C3orf33: variants seen among roughly 807,000 people sequenced by gnomAD.
C3orf33 encodes the protein AP-1 activity suppressor.
Under a neutral mutation model 28.7 loss-of-function variants are expected in C3orf33, and 23 were observed. The ratio of observed to expected loss-of-function variants is 0.80; its 90% CI spans 0.58 to 1.13. The LOEUF (loss-of-function observed/expected upper bound fraction) is 1.13, where lower values mean the gene tolerates loss of function less well. C3orf33 is among the 50% of genes most tolerant of loss of function. C3orf33 has a pLI of 0.00. For missense variants in C3orf33, 327 were observed against 353.4 expected, an observed-to-expected ratio of 0.93 and a Z score of 0.60; for synonymous variants, 119 against 120.5, an observed-to-expected ratio of 0.99 and a Z score of 0.08.
At chr3:155,805,642 G>A (rs995140445) in intron 1 of C3orf33, 4 of 454,520 alleles carry the variant, frequency 8.8e-6, no homozygotes, top group African/African-American at 4.0e-5. Context: ...GGATCTTTTC[G>A]GCCGAAGTGG....
At chr3:155,796,950 G>A (rs1456076955) in intron 2 of C3orf33, among the ~76,000 whole-genome samples, 1 of 152,182 alleles carries the variant, frequency 6.6e-6, no homozygotes, top group Non-Finnish European at 1.5e-5. Context: ...CAGTACTTTG[G>A]GAGGCCAAGG....
At chr3:155,768,709 T>C (rs1186222689) in intron 3 of C3orf33, among the ~76,000 whole-genome samples, 1 of 152,210 alleles carries the variant, frequency 6.6e-6, no homozygotes, top group Non-Finnish European at 1.5e-5. Context: ...AAATAATACT[T>C]TAGTTCAAGA....
rs1311667268 is a variant in C3orf33, at chr3:155,805,544, ACTCCCAGT to A, written c.114+587_114+594del. On this transcript the variant is annotated intron_variant, in intron 1 of 4. Coordinates refer to ENST00000340171, the MANE Select transcript of C3orf33 (RefSeq NM_001308229.2). ...AGGACAGCCTGGACAACATAGCAAG[ACTCCCAGT>A]CTCTAACTCTAAAAGAAAGTAGTCG... The A allele has an allele frequency of 1.1e-5, 5 of 450,110 alleles. No individual in the cohort carries two copies. The Admixed American group carries it at 1.2e-4, about 11-fold the overall frequency. The allele number at this position is 450,110 out of a possible 1,614,324, so 27.9% of individuals were successfully genotyped here.
At chr3:155,767,693 GTTTAGC>G in intron 3 of C3orf33, 24 bp from the exon 4 acceptor site, 1 of 1,461,838 alleles carries the variant, frequency 6.8e-7, no homozygotes, top group Non-Finnish European at 9.1e-7. Context: ...GTAGAAAAGA[GTTTAGC>G]TTTAACAGCA....
chr3:155,771,138 C>T (rs1750579285), intron 3 of C3orf33, among the ~76,000 whole-genome samples: 1 of 151,134 alleles, frequency 6.6e-6, no homozygotes, highest in Non-Finnish European at 1.5e-5. Context: ...CATGGTTTTG[C>T]TCTGCCACCC....
At chr3:155,781,526 T>C (rs762052241) in intron 2 of C3orf33, among the ~76,000 whole-genome samples, 1 of 151,876 alleles carries the variant, frequency 6.6e-6, no homozygotes, top group South Asian at 2.1e-4. Flanking sequence ...TCCCAGCACT[T>C]TGGGAGGCCA....
chr3:155,763,536 T>A lies in C3orf33; in HGVS notation c.866A>T (p.Asn289Ile). The part of the protein sequence containing the change: ...LKFRELISRI[N>I]FRRKG ...ACCGTTTCACCCTTTTCTACGAAAG[T>A]TTATGCGACTTATAAGTTCTCTGAA... Residue 289 changes from asparagine (N) to isoleucine (I), a missense_variant, in exon 5 of 5, where the codon AAC (asparagine) becomes ATC (isoleucine). Transcript: ENST00000340171. 6.6e-7 allele frequency: 1 copy of A among 1,516,374 alleles called. No homozygotes were observed. The highest frequency in any genetic ancestry group is 8.8e-7 in the Non-Finnish European group (1 of 1,140,108). The allele number at this position is 1,516,374 out of a possible 1,614,324, so 93.9% of individuals were successfully genotyped here. A position where few individuals can be genotyped will look rare whatever the true frequency, so the allele number is the denominator to read the frequency against.
chr3:155,763,578 CAG>C lies in C3orf33; in HGVS notation c.822_823del (p.Asn274LysfsTer18). 5.1e-6 allele frequency: 8 copies of C among 1,572,556 alleles called. No individual in the cohort carries two copies. Among genetic ancestry groups the C allele is most frequent in the Non-Finnish European group, 6.8e-6 (8 of 1,168,908 alleles). On this transcript the variant is annotated frameshift_variant, in exon 5 of 5. Transcript: ENST00000340171. LOFTEE classifies it high-confidence loss of function. Reference sequence around the variant, plus strand: ...TTCTCTGAACTTCAGTATTAAGGAGCAGTTGTTCATGTTGTCTTTCCATATTT... The same window carrying C: ...TTCTCTGAACTTCAGTATTAAGGAGCTTGTTCATGTTGTCTTTCCATATTT...
intron 3 of C3orf33, among the ~76,000 whole-genome samples, chr3:155,768,038 C>G (rs1750468701): frequency 6.6e-6 from 1 of 152,074 alleles, no homozygotes; most frequent in South Asian, 2.1e-4. Flanking sequence ...CACCACCATG[C>G]CCAGCTGATT....
Position 155,767,122 on chromosome 3 carries a change from G to A in C3orf33, c.483+387C>T, listed in dbSNP as rs192856665. Among the ~76,000 whole-genome samples, 201 of 151,880 alleles carry A rather than the reference G, an allele frequency of 1.3e-3. 1 individual carries two copies. Among genetic ancestry groups the A allele is most frequent in the African/African-American group, 4.4e-3 (181 of 41,398 alleles). On this transcript the variant is annotated intron_variant, in intron 4 of 4. Transcript: ENST00000340171. ...ACAAAAATTAGCTGGGTGTGGCGGC[G>A]CCCATGTGTAGTCCCAGCTACTCAG... is the stretch of plus-strand genomic sequence containing the variant.
chr3:155,768,091 G>A (rs1312679105), intron 3 of C3orf33, among the ~76,000 whole-genome samples: 2 of 152,080 alleles, frequency 1.3e-5, no homozygotes, highest in Non-Finnish European at 2.9e-5. Flanking sequence ...TGTTGGCCAA[G>A]CTGGTCTCGA....
intron 4 of C3orf33, among the ~76,000 whole-genome samples, chr3:155,766,054 G>A (rs1022467919): frequency 6.6e-6 from 1 of 152,082 alleles, no homozygotes; most frequent in African/African-American, 2.4e-5. Flanking sequence ...TACAAGAAGG[G>A]GTCTCTCTCT....
chr3:155,789,874 T>C (rs1169357166), intron 2 of C3orf33, among the ~76,000 whole-genome samples: 1 of 152,030 alleles, frequency 6.6e-6, no homozygotes, highest in African/African-American at 2.4e-5. Context: ...AAAGACAGGC[T>C]TTTCAAAAAT....
chr3:155,782,767 G>A (rs1298305796), intron 2 of C3orf33, among the ~76,000 whole-genome samples: 3 of 152,174 alleles, frequency 2.0e-5, no homozygotes, highest in African/African-American at 7.2e-5. Context: ...AGGTTGCAAT[G>A]AAAGGACACT....
At chr3:155,763,950 TTAAGA>T in intron 4 of C3orf33, 32 bp from the exon 5 acceptor site, 1 of 1,312,218 alleles carries the variant, frequency 7.6e-7, no homozygotes, top group East Asian at 2.8e-5. Context: ...AACCAATTAT[TTAAGA>T]TAATTGTTGT....
intron 2 of C3orf33, among the ~76,000 whole-genome samples, chr3:155,795,546 A>G (rs1577435563): frequency 6.6e-6 from 1 of 152,334 alleles, no homozygotes; most frequent in South Asian, 2.1e-4. Context: ...CTAGAAATCT[A>G]TAACAAGAGG....
intron 2 of C3orf33, among the ~76,000 whole-genome samples, chr3:155,782,646 G>A (rs533392037): frequency 6.6e-5 from 10 of 152,120 alleles, no homozygotes; most frequent in Non-Finnish European, 1.0e-4. Flanking sequence ...ATTATATCCA[G>A]CAAAACTGAC....
intron 2 of C3orf33, among the ~76,000 whole-genome samples, chr3:155,776,466 T>C (rs1344592477): frequency 3.9e-5 from 6 of 152,146 alleles, no homozygotes. Context: ...TGTTCATAAT[T>C]ATGGCTAGTT....
chr3:155,791,002 C>T (rs1751297396), intron 2 of C3orf33, among the ~76,000 whole-genome samples: 1 of 152,208 alleles, frequency 6.6e-6, no homozygotes, highest in South Asian at 2.1e-4. Flanking sequence ...CAAGTGAATA[C>T]TTGTGCCCCA....
Sources: allele counts gnomAD v4.1 joint callset (sites outside exome capture counted in the v4.1 genomes callset), GRCh38; gene constraint gnomAD v4.1.1; transcripts MANE v1.5; gene names NCBI Gene and HGNC (gene_info 2026-07-23, HGNC 2026-07-21).